The following MIDN variants were observed in gnomAD, a reference collection of about 807,000 sequenced individuals.
MIDN encodes midbrain nucleolar protein.
Under a neutral mutation model 46.1 loss-of-function variants are expected in MIDN, and 26 were observed. The observed-to-expected ratio is 0.56, with a 90% CI of 0.41 to 0.78. The LOEUF (loss-of-function observed/expected upper bound fraction) is 0.78, where lower values mean the gene tolerates loss of function less well. Ranked by LOEUF, MIDN falls within the 30% of genes least tolerant of loss-of-function variation. MIDN has a pLI of 0.00. For missense variants in MIDN, 850 were observed against 771.8 expected (o/e 1.10, Z -1.20); for synonymous variants, 432 against 343.3 (o/e 1.26, Z -2.86).
In MIDN at chr19:1,257,561, G is replaced by A. The variant is rs974897578; in HGVS notation, c.*289G>A. The A allele has an allele frequency of 1.2e-4, 43 of 366,964 alleles. No homozygotes were observed. The highest frequency in any genetic ancestry group is 3.3e-4 in the African/African-American group (15 of 45,892). The allele number at this position is 366,964 out of a possible 1,614,324, so 22.7% of individuals were successfully genotyped here. A position where few individuals can be genotyped will look rare whatever the true frequency, so the allele number is the denominator to read the frequency against. ...TCCGTCTGTCTCCTTTCACCTCTGC[G>A]CCAGGTCGGTCCTCCCTGCCAACCT... On this transcript the variant is annotated 3_prime_UTR_variant, in exon 9 of 9. Coordinates refer to ENST00000682408, the MANE Select transcript of MIDN (RefSeq NM_001388306.1).
Position 1,257,057 on chromosome 19 carries a change from C to T in MIDN, c.1321C>T (p.Leu441Phe). 6.2e-7 allele frequency: 1 copy of T among 1,612,388 alleles called. No individual in the cohort carries two copies. Among genetic ancestry groups the T allele is most frequent in the Non-Finnish European group, 8.5e-7 (1 of 1,179,952 alleles). ...CTGCAAGGTGGAACGGCTGCAGCTG[C>T]TTCTGCAGCAGAAACGGCTCCGTAG... ...TRCKVERLQL[L>F]LQQKRLRRKA... is the part of the protein sequence containing the mutation. The change falls in exon 9 of 9, where the codon CTT becomes TTT. Residue 441 changes from leucine (L) to phenylalanine (F), a missense_variant. Physicochemically the swap from Leu to Phe is conservative, Grantham distance 22. Coordinates refer to ENST00000682408, the MANE Select transcript of MIDN (RefSeq NM_001388306.1).
chr19:1,255,634 G>T lies in MIDN; in HGVS notation c.1198G>T (p.Ala400Ser), dbSNP rs2081190731. The stretch of plus-strand genomic sequence containing the variant: ...AACTACCTCCTGCGAGAAGCTCACG[G>T]CTGCCCCCTCAGCCTCCCTGCTGCA... The part of the protein sequence containing the change: ...PRTTSCEKLT[A>S]APSASLLQGQ... The change falls in exon 8 of 9, where the codon GCT (alanine) becomes TCT (serine). Residue 400 changes from alanine (A) to serine (S), a missense_variant. Transcript: ENST00000682408. 6.2e-7 allele frequency: 1 copy of T among 1,605,626 alleles called. No homozygotes were observed. Among genetic ancestry groups the T allele is most frequent in the Admixed American group, 1.7e-5 (1 of 59,860 alleles).
intron 3 of MIDN, 85 bp downstream of exon 3, chr19:1,251,734 T>C (rs2081131082): frequency 1.3e-6 from 2 of 1,518,998 alleles, no homozygotes; most frequent in African/African-American, 1.4e-5. Flanking sequence ...GCACACACAC[T>C]ACCTGGGGCC....
Position 1,254,442 on chromosome 19 carries a change from C to A in MIDN, c.789C>A (p.Ser263=). ...PASPSPITAG[S]FRSHAASTTC... ...CTCCCTCGCCCATCACAGCCGGCTC[C>A]TTCCGGTCCCACGCAGCCTCCACCA... The change falls in exon 6 of 9, where the codon TCC becomes TCA. Residue 263 remains serine, a synonymous_variant. Coordinates refer to ENST00000682408, the MANE Select transcript of MIDN (RefSeq NM_001388306.1). The A allele has an allele frequency of 6.4e-7, 1 of 1,564,836 alleles. No homozygotes were observed. The highest frequency in any genetic ancestry group is 1.2e-5 in the South Asian group (1 of 86,216).
intron 1 of MIDN, among the ~76,000 whole-genome samples, chr19:1,249,536 C>T (rs971097639): frequency 6.7e-6 from 1 of 149,616 alleles, no homozygotes; most frequent in South Asian, 2.1e-4. Context: ...GACCTGGGTC[C>T]CGCGCCCCCC....
intron 2 of MIDN, among the ~76,000 whole-genome samples, chr19:1,250,858 C>T (rs965190396): frequency 3.9e-5 from 6 of 152,048 alleles, no homozygotes; most frequent in African/African-American, 1.4e-4. Context: ...GCGCCGGCTT[C>T]CGCATCTGCT....
rs770403819 is a variant in MIDN, at chr19:1,254,348, C to T, written c.695C>T (p.Ser232Phe). Residue 232 changes from serine (S) to phenylalanine (F), a missense_variant, in exon 6 of 9, where the codon TCC becomes TTC. Physicochemically the swap from Ser to Phe is radical, Grantham distance 155. Coordinates refer to ENST00000682408, the MANE Select transcript of MIDN (RefSeq NM_001388306.1). ...GACCCCAGCATAGCCTCCCCCGTGT[C>T]CTCGCCCTGCCGGCCGGTGTCCAGT... ...RGDPSIASPVSSPCRPVSSAA... is the reference protein window; with the variant it reads ...RGDPSIASPVFSPCRPVSSAA... 1 of 1,564,220 alleles carries T rather than the reference C, an allele frequency of 6.4e-7. No individual in the cohort carries two copies. Among genetic ancestry groups the T allele is most frequent in the East Asian group, 2.3e-5 (1 of 42,678 alleles).
intron 4 of MIDN, 74 bp downstream of exon 4, chr19:1,251,975 G>GGGTT: frequency 7.5e-7 from 1 of 1,327,648 alleles, no homozygotes; most frequent in Non-Finnish European, 1.1e-6. Flanking sequence ...CGGGGCCTGG[G>GGGTT]GGTTGTCTGT....
chr19:1,249,798 C>G (rs1012771721), intron 1 of MIDN, 92 bp from the exon 2 acceptor site: 6 of 151,018 alleles, frequency 4.0e-5, no homozygotes, highest in Non-Finnish European at 5.9e-5. Context: ...GCCCGGCCGG[C>G]GGAGTAAGTA....
chr19:1,252,219 C>T (rs967084794), intron 4 of MIDN, among the ~76,000 whole-genome samples: 1 of 152,214 alleles, frequency 6.6e-6, no homozygotes, highest in Non-Finnish European at 1.5e-5. Context: ...CCCCAGCCCC[C>T]TCCGCCCCCA....
rs774420248 is a variant in MIDN, at chr19:1,251,856, G to C, written c.339G>C (p.Pro113=). The part of the protein sequence containing the change: ...EAGLMSQASR[P]EQSVMQALES... ...CTTTGTAGTCTCAGGCCTCAAGGCC[G>C]GAACAGTCCGTGATGCAAGCTCTCG... Residue 113 remains proline, a synonymous_variant, in exon 4 of 9, where the codon CCG becomes CCC. Transcript: ENST00000682408. 6 of 1,613,452 alleles carry C rather than the reference G, an allele frequency of 3.7e-6. No homozygotes were observed. Among genetic ancestry groups the C allele is most frequent in the East Asian group, 4.5e-5 (2 of 44,870 alleles).
Position 1,250,399 on chromosome 19 carries a change from A to C in MIDN, c.103A>C (p.Ile35Leu). Residue 35 changes from isoleucine to leucine, a missense_variant, in exon 2 of 9, where the codon ATC becomes CTC. Physicochemically the swap from Ile to Leu is conservative, Grantham distance 5. Coordinates refer to ENST00000682408, the MANE Select transcript of MIDN (RefSeq NM_001388306.1). ...CGAGGCGGCGCCCATGAGCCTCGCC[A>C]TCCACAGCACCACGGGCACCCGCTA... The part of the protein sequence containing the change: ...AAEAAPMSLA[I>L]HSTTGTRYDL... The C allele has an allele frequency of 7.7e-7, 1 of 1,303,560 alleles. No individual in the cohort carries two copies. Among genetic ancestry groups the C allele is most frequent in the East Asian group, 3.7e-5 (1 of 27,384 alleles). The allele number at this position is 1,303,560 out of a possible 1,614,324, so 80.7% of individuals were successfully genotyped here. A position where few individuals can be genotyped will look rare whatever the true frequency, so the allele number is the denominator to read the frequency against.
At position 1,254,160 on chromosome 19, in the gene MIDN, C is replaced by A. The variant is rs779662608; in HGVS notation, c.514-7C>A. On this transcript the variant is annotated splice_polypyrimidine_tract_variant and splice_region_variant and intron_variant, in intron 5 of 8. Transcript: ENST00000682408. ...GGCTCCCAGCTGACGGACCGCTCTC[C>A]TTGCAGGTCAGTGACTTCCTGTCGG... The A allele has an allele frequency of 6.3e-7, 1 of 1,591,554 alleles. No individual in the cohort carries two copies. The highest frequency in any genetic ancestry group is 1.3e-5 in the African/African-American group (1 of 74,450).
intron 3 of MIDN, 36 bp downstream of exon 3, chr19:1,251,685 C>G (rs1184275520): frequency 1.0e-5 from 16 of 1,584,480 alleles, no homozygotes; most frequent in Non-Finnish European, 1.4e-5. Context: ...CCCAGAGGCC[C>G]CCGCACACAG....
chr19:1,254,091 G>T lies in MIDN; in HGVS notation c.513+9G>T. Reference sequence around the variant, plus strand: ...GCGGCGAGAGGCCCCAGGTCACAGCGCGGGGGGACTGGGCCGGGCTGGGCT... The same window carrying T: ...GCGGCGAGAGGCCCCAGGTCACAGCTCGGGGGGACTGGGCCGGGCTGGGCT... On this transcript the variant is annotated intron_variant, in intron 5 of 8. Transcript: ENST00000682408. The T allele has an allele frequency of 6.5e-7, 1 of 1,526,726 alleles. No individual in the cohort carries two copies. 94.6% of individuals were successfully genotyped at this position (1,526,726 alleles called of 1,614,324 possible). A position where few individuals can be genotyped will look rare whatever the true frequency, so the allele number is the denominator to read the frequency against.
intron 7 of MIDN, among the ~76,000 whole-genome samples, 155 bp downstream of exon 7, chr19:1,255,216 C>T (rs1333468571): frequency 6.6e-6 from 1 of 152,148 alleles, no homozygotes; most frequent in South Asian, 2.1e-4. Context: ...CCCCCACACA[C>T]ACGCCTGGCC....
chr19:1,255,746 A>C (rs1568794727), intron 8 of MIDN, 52 bp downstream of exon 8: 1 of 1,466,698 alleles, frequency 6.8e-7, no homozygotes, highest in South Asian at 1.4e-5. Context: ...TGGGCTTCTC[A>C]AGGCCCCTCT....
intron 4 of MIDN, among the ~76,000 whole-genome samples, chr19:1,252,432 G>A (rs2081142561): frequency 6.6e-6 from 1 of 152,182 alleles, no homozygotes; most frequent in Middle Eastern, 3.2e-3. Context: ...GGGGGCGGGG[G>A]TGCCCAGCCC....
At chr19:1,255,755 C>T in intron 8 of MIDN, 61 bp downstream of exon 8, 2 of 1,431,788 alleles carry the variant, frequency 1.4e-6, no homozygotes, top group East Asian at 2.5e-5. Flanking sequence ...CAAGGCCCCT[C>T]TGTGTGAGCT....
Sources: allele counts gnomAD v4.1 joint callset (sites outside exome capture counted in the v4.1 genomes callset), GRCh38; gene constraint gnomAD v4.1.1; transcripts MANE v1.5; gene names NCBI Gene and HGNC (gene_info 2026-07-23, HGNC 2026-07-21).